Variants in DLGAP1 observed in about 807,000 individuals in gnomAD.
The protein encoded by DLGAP1 is DLG associated protein 1.
Under a neutral mutation model 90.8 loss-of-function variants are expected in DLGAP1, and 11 were observed. The ratio of observed to expected loss-of-function variants is 0.12; its 90% CI spans 0.08 to 0.20. DLGAP1 has a LOEUF of 0.20. Ranked by LOEUF, DLGAP1 falls within the 10% of genes least tolerant of loss-of-function variation. The pLI, the probability that DLGAP1 is intolerant of heterozygous loss-of-function variation, is 1.00. For missense variants in DLGAP1, 1,050 were observed against 1,333.8 expected (o/e 0.79, Z 3.31); for synonymous variants, 558 against 540.7 (o/e 1.03, Z -0.44).
chr18:4,220,270 C>T (rs2078047319), intron 1 of DLGAP1, among the ~76,000 whole-genome samples: 1 of 111,658 alleles, frequency 9.0e-6, no homozygotes, highest in Non-Finnish European at 2.1e-5. Context: ...AAAGACAGTA[C>T]ATAAAATCTA....
chr18:3,757,856 C>T (rs1598614974), intron 5 of DLGAP1, among the ~76,000 whole-genome samples: 1 of 152,230 alleles, frequency 6.6e-6, no homozygotes, highest in Non-Finnish European at 1.5e-5. Flanking sequence ...TGGCTGTTGC[C>T]TGTAATCCCA....
chr18:3,897,284 A>G (rs1022999881), intron 3 of DLGAP1, among the ~76,000 whole-genome samples: 2 of 152,230 alleles, frequency 1.3e-5, no homozygotes, highest in Non-Finnish European at 2.9e-5. Context: ...TTTTCTCTCC[A>G]CTACCAAGAC....
chr18:3,585,264 T>A (rs1232256959), intron 7 of DLGAP1, among the ~76,000 whole-genome samples: 1 of 152,226 alleles, frequency 6.6e-6, no homozygotes, highest in East Asian at 1.9e-4. Context: ...ATTGTAAATA[T>A]CTTGCCTCAC....
chr18:4,014,925 C>T (rs571872747), intron 2 of DLGAP1, among the ~76,000 whole-genome samples: 10 of 152,088 alleles, frequency 6.6e-5, no homozygotes, highest in Non-Finnish European at 1.2e-4. Flanking sequence ...AAGAGTGTGT[C>T]GGTGGATGGT....
chr18:3,861,926 T>A (rs2070089615), intron 4 of DLGAP1, among the ~76,000 whole-genome samples: 1 of 152,092 alleles, frequency 6.6e-6, no homozygotes, highest in Admixed American at 6.5e-5. Context: ...GGCGAAAGAG[T>A]GCCTGGTTTC....
In DLGAP1 at chr18:3,964,049, T is replaced by C. The variant is rs571508714; in HGVS notation, c.-73+41067A>G. Among the ~76,000 whole-genome samples the C allele has an allele frequency of 1.5e-4, 23 of 152,308 alleles. 1 individual carries two copies. In the South Asian group the frequency reaches 4.8e-3, roughly 32 times the overall value. ...TACGTGGCTTGGGTTATATTTCTAT[T>C]GTTCTACACTGCAGGAGGCGTCATT... On this transcript the variant is annotated intron_variant, in intron 3 of 12. Transcript: ENST00000315677.
At position 3,799,898 on chromosome 18, in the gene DLGAP1, A is replaced by G. The variant is rs148315654; in HGVS notation, c.1172+14161T>C. 1.7e-3 allele frequency among the ~76,000 whole-genome samples: 261 copies of G among 152,336 alleles called. 3 individuals carry two copies. The highest frequency in any genetic ancestry group is 6.1e-3 in the African/African-American group (252 of 41,574). On this transcript the variant is annotated intron_variant, in intron 5 of 12. Coordinates refer to ENST00000315677, the MANE Select transcript of DLGAP1 (RefSeq NM_004746.4). ...ATGACAATGAGGATCTTAACCTGTT[A>G]TCTGAATAGTGAAGTCCATCTCAAA...
chr18:3,729,179 G>A lies in DLGAP1; in HGVS notation c.1547C>T (p.Pro516Leu). Residue 516 changes from proline (P) to leucine (L), a missense_variant, in exon 7 of 13, where the codon CCG becomes CTG. Physicochemically the swap from Pro to Leu is moderately conservative, Grantham distance 98 (BLOSUM62 -3). Coordinates refer to ENST00000315677, the MANE Select transcript of DLGAP1 (RefSeq NM_004746.4). This position sits in a 1 kb window ranked among gnomAD's most constrained non-coding sequence, Gnocchi z 6.2. ...DECVSLRSSS[P>L]PRTTTTVRTI... ...CCTAACGGTGGTGGTGGTGCGCGGC[G>A]GCGAGGACGACCTCAGGGACACGCA... is the stretch of plus-strand genomic sequence containing the variant. The A allele has an allele frequency of 6.2e-7, 1 of 1,613,426 alleles. No homozygotes were observed. Among genetic ancestry groups the A allele is most frequent in the Non-Finnish European group, 8.5e-7 (1 of 1,179,812 alleles).
chr18:3,890,607 C>A (rs1322668525), intron 3 of DLGAP1, among the ~76,000 whole-genome samples: 1 of 152,212 alleles, frequency 6.6e-6, no homozygotes, highest in Admixed American at 6.5e-5. Context: ...ATTCTACCCC[C>A]AGTCTTAAAT....
At chr18:4,270,600 T>C (rs1009872051) in intron 1 of DLGAP1, among the ~76,000 whole-genome samples, 37 of 152,126 alleles carry the variant, frequency 2.4e-4, no homozygotes, top group Non-Finnish European at 5.9e-5. Flanking sequence ...GGAGGCTTTA[T>C]TGAAAATAAA....
chr18:3,666,051 G>A (rs941852619), intron 7 of DLGAP1, among the ~76,000 whole-genome samples: 4 of 152,086 alleles, frequency 2.6e-5, no homozygotes, highest in South Asian at 2.1e-4. Flanking sequence ...GCAGCTGGAA[G>A]CGCTGAATGG....
intron 5 of DLGAP1, among the ~76,000 whole-genome samples, chr18:3,765,555 C>T (rs758295734): frequency 1.7e-4 from 26 of 152,032 alleles, no homozygotes; most frequent in Non-Finnish European, 2.9e-4. Context: ...GAGATATACT[C>T]GGGCACGGTG....
At chr18:4,269,645 C>T (rs149092401) in intron 1 of DLGAP1, among the ~76,000 whole-genome samples, 4,916 of 152,112 alleles carry the variant, frequency 0.032, 273 homozygotes, top group African/African-American at 0.11. Flanking sequence ...TGAGCCACCG[C>T]GCCCGGCCAT....
intron 7 of DLGAP1, chr18:3,597,418 A>T (rs1311306568): frequency 1.1e-5 from 4 of 370,432 alleles, no homozygotes; most frequent in East Asian, 7.2e-5. Context: ...TTAAGATGGG[A>T]CCAGGGTATT....
At chr18:4,072,833 TCAA>T (rs2075469141) in intron 2 of DLGAP1, among the ~76,000 whole-genome samples, 1 of 152,198 alleles carries the variant, frequency 6.6e-6, no homozygotes, top group Non-Finnish European at 1.5e-5. Context: ...CTCAACTATC[TCAA>T]CAGCCTCATG....
chr18:4,360,627 T>C (rs2081610646), intron 1 of DLGAP1, among the ~76,000 whole-genome samples: 1 of 152,080 alleles, frequency 6.6e-6, no homozygotes, highest in Admixed American at 6.5e-5. Flanking sequence ...GTCAAAAGGA[T>C]TTGCTGTAGG....
intron 5 of DLGAP1, among the ~76,000 whole-genome samples, chr18:3,750,489 GTGGGATTGC>G (rs200249827): frequency 0.014 from 2,178 of 152,250 alleles, 16 homozygotes; most frequent in Middle Eastern, 0.034. Flanking sequence ...CTACCTGGTA[GTGGGATTGC>G]TGGGTCGAAT....
chr18:3,979,232 T>C (rs1312371506), intron 3 of DLGAP1, among the ~76,000 whole-genome samples: 1 of 125,812 alleles, frequency 7.9e-6, no homozygotes, highest in Non-Finnish European at 1.8e-5. Flanking sequence ...TAGAGCCCTA[T>C]TTTTACCATT....
At chr18:3,695,705 T>G (rs1258092028) in intron 7 of DLGAP1, among the ~76,000 whole-genome samples, 1 of 152,250 alleles carries the variant, frequency 6.6e-6, no homozygotes, top group African/African-American at 2.4e-5. Flanking sequence ...TGGTTCCATA[T>G]GAAATTTAAA....
Sources: allele counts gnomAD v4.1 joint callset (sites outside exome capture counted in the v4.1 genomes callset), GRCh38; gene constraint gnomAD v4.1.1; non-coding constraint Gnocchi (gnomAD v3.1); transcripts MANE v1.5; gene names NCBI Gene and HGNC (gene_info 2026-07-23, HGNC 2026-07-21).